RIOK3: variants seen among roughly 807,000 people sequenced by gnomAD.
The protein encoded by RIOK3 is RIO kinase 3.
Under a neutral mutation model 63.5 loss-of-function variants are expected in RIOK3, and 40 were observed. The observed-to-expected ratio is 0.63, with a 90% CI of 0.49 to 0.82. RIOK3 has a LOEUF of 0.82. Ranked by LOEUF, RIOK3 falls within the 40% of genes least tolerant of loss-of-function variation. The pLI is 0.00. For synonymous variants in RIOK3, 193 were observed against 205.0 expected (o/e 0.94, Z 0.50); for missense variants, 557 against 637.0 (o/e 0.87, Z 1.35).
In RIOK3 at chr18:23,477,245, C is replaced by A. The variant is rs141264189; in HGVS notation, c.1321C>A (p.Arg441=). The change falls in exon 11 of 13, where the codon CGG becomes AGG. Residue 441 remains arginine, a synonymous_variant. Transcript: ENST00000339486. ...CCCTCACGGCCTGGAGTTCTTGTTC[C>A]GGGACTGCAGGAATGTCTCGCAGGT... ...THPHGLEFLF[R]DCRNVSQFFQ... is the part of the protein sequence containing the mutation. 2 of 1,613,946 alleles carry A rather than the reference C, an allele frequency of 1.2e-6. No homozygotes were observed. The highest frequency in any genetic ancestry group is 1.7e-6 in the Non-Finnish European group (2 of 1,179,906).
Position 23,467,506 on chromosome 18 carries a change from C to T in RIOK3, c.795C>T (p.Val265=). ...GCISTGKESV[V]FHAYGGSMED... ...TTAGTACAGGAAAGGAGTCTGTTGT[C>T]TTTCATGCATATGGAGGGAGGTAAA... The change falls in exon 7 of 13, where the codon GTC becomes GTT. Residue 265 remains valine (V), a synonymous_variant. Coordinates refer to ENST00000339486, the MANE Select transcript of RIOK3 (RefSeq NM_003831.5). The T allele has an allele frequency of 6.2e-7, 1 of 1,613,182 alleles. No individual in the cohort carries two copies. Among genetic ancestry groups the T allele is most frequent in the Non-Finnish European group, 8.5e-7 (1 of 1,179,452 alleles).
intron 7 of RIOK3, among the ~76,000 whole-genome samples, chr18:23,471,714 T>C (rs1247120573): frequency 6.6e-6 from 1 of 151,948 alleles, no homozygotes; most frequent in Non-Finnish European, 1.5e-5. Flanking sequence ...GCACACGCTG[T>C]TGGATTGGAA....
chr18:23,455,301 C>T (rs61412655), intron 1 of RIOK3, among the ~76,000 whole-genome samples: 2,044 of 151,612 alleles, frequency 0.013, 50 homozygotes, highest in African/African-American at 0.045. Context: ...TCTCAAACTC[C>T]GACCTCAAGT....
intron 12 of RIOK3, among the ~76,000 whole-genome samples, 159 bp downstream of exon 12, chr18:23,479,583 C>CTT (rs200137533): frequency 2.7e-5 from 4 of 145,740 alleles, no homozygotes; most frequent in Non-Finnish European, 3.0e-5. Flanking sequence ...TTCTTTTTTT[C>CTT]TTTTTTTTTT....
At position 23,464,205 on chromosome 18, in the gene RIOK3, G is replaced by A. The variant is rs1355423019; in HGVS notation, c.326-1G>A. On this transcript the variant is annotated splice_acceptor_variant, in intron 3 of 12. Transcript: ENST00000339486. LOFTEE classifies it high-confidence loss of function. Reference sequence around the variant, plus strand: ...ATCTTCAACTATTTTTGCTTCTTAAGTTTCCATTTCCTTTGAAAATTATCG... The same window carrying A: ...ATCTTCAACTATTTTTGCTTCTTAAATTTCCATTTCCTTTGAAAATTATCG... 3 of 1,612,450 alleles carry A rather than the reference G, an allele frequency of 1.9e-6. No homozygotes were observed. The highest frequency in any genetic ancestry group is 2.7e-5 in the African/African-American group (2 of 74,836).
chr18:23,465,022 A>T (rs2057397168), intron 5 of RIOK3, among the ~76,000 whole-genome samples: 1 of 152,156 alleles, frequency 6.6e-6, no homozygotes, highest in African/African-American at 2.4e-5. Flanking sequence ...TTTTGAATTT[A>T]TTATCTTGTG....
chr18:23,473,384 T>G, intron 7 of RIOK3, 45 bp from the exon 8 acceptor site: 3 of 1,183,444 alleles, frequency 2.5e-6, no homozygotes, highest in Non-Finnish European at 3.7e-6. Context: ...GTTGTACTTG[T>G]GAGCTGGCAA....
At chr18:23,459,647 A>G (rs1013745447) in intron 1 of RIOK3, among the ~76,000 whole-genome samples, 1 of 152,180 alleles carries the variant, frequency 6.6e-6, no homozygotes, top group Admixed American at 6.5e-5. Flanking sequence ...GAATGTGTGA[A>G]GGCATGCAGC....
intron 7 of RIOK3, 39 bp downstream of exon 7, chr18:23,467,565 A>G (rs776107138): frequency 3.3e-5 from 53 of 1,587,002 alleles, no homozygotes; most frequent in Admixed American, 5.1e-5. Context: ...ATGAAAACTT[A>G]GTCTCTTCTC....
chr18:23,456,571 A>C (rs1246995138), intron 1 of RIOK3: 1 of 152,136 alleles, frequency 6.6e-6, no homozygotes, highest in Non-Finnish European at 1.5e-5. Flanking sequence ...AAACAAACAA[A>C]AAAATAGAGT....
At chr18:23,480,551 G>GCACACACACA (rs1362909473) in intron 12 of RIOK3, among the ~76,000 whole-genome samples, 8 of 46,876 alleles carry the variant, frequency 1.7e-4, no homozygotes, top group East Asian at 1.1e-3. Flanking sequence ...ATACTTGGAT[G>GCACACACACA]CACGCACACA....
At chr18:23,470,377 A>AT (rs1271785646) in intron 7 of RIOK3, among the ~76,000 whole-genome samples, 1 of 152,126 alleles carries the variant, frequency 6.6e-6, no homozygotes, top group African/African-American at 2.4e-5. Flanking sequence ...AAAAAAAAAA[A>AT]ATCCAATGTT....
At chr18:23,476,884 C>T (rs556121301) in intron 9 of RIOK3, 122 bp from the exon 10 acceptor site, 1 of 722,538 alleles carries the variant, frequency 1.4e-6, no homozygotes, top group East Asian at 2.9e-5. Flanking sequence ...TGCACTCCAG[C>T]CTGGGCGACA....
intron 9 of RIOK3, 51 bp from the exon 10 acceptor site, chr18:23,476,955 A>G: frequency 6.7e-7 from 1 of 1,494,064 alleles, no homozygotes; most frequent in Non-Finnish European, 9.3e-7. Context: ...GTCATCATCA[A>G]TAATACCACT....
rs753297452 is a variant in RIOK3 at position 23,481,276 on chromosome 18, A to G, written c.1557A>G (p.Glu519=). The G allele has an allele frequency of 1.9e-6, 3 of 1,560,020 alleles. No homozygotes were observed. The highest frequency in any genetic ancestry group is 3.5e-5 in the Admixed American group (2 of 57,460). The change falls in exon 13 of 13, where the codon GAA becomes GAG. Residue 519 remains glutamate, a synonymous_variant. Transcript: ENST00000339486. ...GAGACCCACCACTACTATATGATGAATAGCACTAATACCCACTGCTTCAGT... is the reference window on the plus strand; with the variant it reads ...GAGACCCACCACTACTATATGATGAGTAGCACTAATACCCACTGCTTCAGT... ...DDGDPPLLYD[E]
intron 11 of RIOK3, among the ~76,000 whole-genome samples, chr18:23,477,666 G>A (rs1210061410): frequency 6.6e-6 from 1 of 151,868 alleles, no homozygotes; most frequent in Non-Finnish European, 1.5e-5. Flanking sequence ...GGGAGGCTGA[G>A]GCAGGAGACT....
rs1221906676 is a variant in RIOK3, at chr18:23,453,432, A to G, written c.-8A>G. 1.2e-6 allele frequency: 2 copies of G among 1,612,688 alleles called. No individual in the cohort carries two copies. The highest frequency in any genetic ancestry group is 1.7e-6 in the Non-Finnish European group (2 of 1,179,054). On this transcript the variant is annotated 5_prime_UTR_variant, in exon 1 of 13. Transcript: ENST00000339486. ...CTGCTCTGTTCTTGTCTCTGCCTTC[A>G]TTCCCGAATGGATCTGGTAGGAGTG...
At chr18:23,469,304 CCTCTCTCT>C (rs376929343) in intron 7 of RIOK3, among the ~76,000 whole-genome samples, 4 of 19,408 alleles carry the variant, frequency 2.1e-4, no homozygotes, top group Admixed American at 7.7e-4. Context: ...TTTCTTTCTT[CCTCTCTCT>C]CTCTCTCTCT....
chr18:23,454,124 G>A (rs1312524307), intron 1 of RIOK3, among the ~76,000 whole-genome samples: 2 of 152,166 alleles, frequency 1.3e-5, no homozygotes, highest in African/African-American at 4.8e-5. Context: ...TTTGCTTTCT[G>A]GTTTCCAGGC....
Sources: gnomAD v4.1 joint callset for allele counts (sites outside exome capture counted in the v4.1 genomes callset) on GRCh38, gnomAD v4.1.1 for gene constraint, MANE v1.5 for transcripts, NCBI Gene and HGNC (gene_info 2026-07-23, HGNC 2026-07-21) for gene names.